The following PLXND1 variants were observed in gnomAD, a reference collection of about 807,000 sequenced individuals.
PLXND1 encodes the protein plexin-D1.
A neutral mutation model predicts 197.7 loss-of-function variants in PLXND1; 54 were observed. That is an observed-to-expected ratio of 0.27 (90% CI 0.22 to 0.34). The LOEUF (loss-of-function observed/expected upper bound fraction) is 0.34. Among genes scored for constraint, PLXND1 ranks in the 10% least tolerant of loss-of-function variants. PLXND1 has a pLI of 1.00. For synonymous variants in PLXND1, 1,180 were observed against 1,161.2 expected (o/e 1.02, Z -0.33); for missense variants, 2,127 against 2,699.2 (o/e 0.79, Z 4.70).
At chr3:129,567,838 G>A in intron 20 of PLXND1, 33 bp from the exon 21 acceptor site, 1 of 1,326,538 alleles carries the variant, frequency 7.5e-7, no homozygotes, top group Non-Finnish European at 1.1e-6. Context: ...TCAGGCCTCT[G>A]GTGCCCTTTG....
Position 129,605,966 on chromosome 3 carries a change from C to A in PLXND1, c.674G>T (p.Arg225Leu), listed in dbSNP as rs747925447. 6.2e-7 allele frequency: 1 copy of A among 1,611,762 alleles called. No individual in the cohort carries two copies. The highest frequency in any genetic ancestry group is 8.5e-7 in the Non-Finnish European group (1 of 1,179,762). Residue 225 changes from arginine (R) to leucine (L), a missense_variant, in exon 1 of 36, where the codon CGC becomes CTC. Transcript: ENST00000324093. ...CTCGAAGCGGTGGTCCTCCAGGCTG[C>A]GGTTGCGCGGGAAGAAGGAGCTGCC... is the stretch of plus-strand genomic sequence containing the variant. ...GYGSSFFPRN[R>L]SLEDHRFENT...
rs557943446 is a variant in PLXND1 at position 129,587,516 on chromosome 3, G to A, written c.1489-797C>T. ...TGCTCTTTTTTGCCTGGCCCTGCCT[G>A]TTCCCAGTGTGTTGTCTTGTCTGGG... On this transcript the variant is annotated intron_variant, in intron 2 of 35. Coordinates refer to ENST00000324093, the MANE Select transcript of PLXND1 (RefSeq NM_015103.3). 2.0e-5 allele frequency among the ~76,000 whole-genome samples: 3 copies of A among 152,336 alleles called. No homozygotes were observed. In the East Asian group the frequency reaches 5.8e-4, roughly 29 times the overall value.
chr3:129,571,195 C>T lies in PLXND1; in HGVS notation c.3445G>A (p.Glu1149Lys), dbSNP rs771247738. Residue 1149 changes from glutamate to lysine, a missense_variant, in exon 18 of 36, where the codon GAG becomes AAG. This residue lies in a region of PLXND1 where 532 missense variants were observed against 811.0 expected (regional missense o/e 0.66). Transcript: ENST00000324093. ...FFINGRAYAD[E>K]VAVAEELLDP... Reference sequence around the variant, plus strand: ...AGTAGCTCCTCAGCCACAGCCACCTCGTCTGCGTAGGCCCGCCCATTGATG... The same window carrying T: ...AGTAGCTCCTCAGCCACAGCCACCTTGTCTGCGTAGGCCCGCCCATTGATG... The T allele has an allele frequency of 5.6e-6, 9 of 1,614,086 alleles. No individual in the cohort carries two copies. Among genetic ancestry groups the T allele is most frequent in the East Asian group, 2.2e-5 (1 of 44,896 alleles).
chr3:129,572,034 C>T (rs1452895972), intron 15 of PLXND1, among the ~76,000 whole-genome samples, 190 bp from the exon 16 acceptor site: 1 of 152,162 alleles, frequency 6.6e-6, no homozygotes, highest in African/African-American at 2.4e-5. Flanking sequence ...CGCCCCATCC[C>T]ACCTCCTCCA....
chr3:129,593,835 G>C (rs946116579), intron 1 of PLXND1, among the ~76,000 whole-genome samples: 1 of 152,182 alleles, frequency 6.6e-6, no homozygotes, highest in Non-Finnish European at 1.5e-5. Context: ...TCTCACATGG[G>C]ATGAGCAACC....
At chr3:129,562,704 T>A in intron 27 of PLXND1, 83 bp downstream of exon 27, 1 of 1,318,346 alleles carries the variant, frequency 7.6e-7, no homozygotes, top group Non-Finnish European at 1.0e-6. Context: ...CCATGCCAGG[T>A]GAAAGGAGTG....
chr3:129,605,293 G>T (rs1306162186), intron 1 of PLXND1, 36 bp downstream of exon 1: 2 of 830,736 alleles, frequency 2.4e-6, no homozygotes, highest in Non-Finnish European at 3.1e-6. Context: ...CCCCGCCGCC[G>T]CCGCCGCCGC....
intron 9 of PLXND1, 40 bp from the exon 10 acceptor site, chr3:129,575,895 C>A: frequency 7.9e-7 from 1 of 1,259,218 alleles, no homozygotes; most frequent in Non-Finnish European, 1.2e-6. Flanking sequence ...TTGAGGAGAA[C>A]CAAGCCAGCA....
chr3:129,587,222 C>G (rs2811461), intron 2 of PLXND1, among the ~76,000 whole-genome samples: 21,366 of 152,134 alleles, frequency 0.14, 1,760 homozygotes, highest in East Asian at 0.38. Flanking sequence ...ATTCCTCCCC[C>G]CGACGCCCAT....
At chr3:129,556,928 A>G in intron 34 of PLXND1, 155 bp downstream of exon 34, 1 of 836,600 alleles carries the variant, frequency 1.2e-6, no homozygotes, top group Non-Finnish European at 1.9e-6. Flanking sequence ...GGGAAAATGC[A>G]TGACGAATTT....
rs145816641 is a variant in PLXND1, at chr3:129,556,632, C to T, written c.5646G>A (p.Lys1882=). The change falls in exon 35 of 36, where the codon AAG becomes AAA. Residue 1882 remains lysine, a synonymous_variant. Transcript: ENST00000324093. ...GGGCACTCACCTGCGGCCGATACCT[C>T]TTGGCGTACTTATAAATCTCTGCCA... The part of the protein sequence containing the change: ...VAMAEIYKYA[K]RYRPQIMAAL... The T allele has an allele frequency of 1.0e-4, 165 of 1,612,990 alleles. 2 individuals are homozygous for T. In the African/African-American group the frequency reaches 2.1e-3, roughly 20 times the overall value.
chr3:129,603,506 C>T (rs1433937828), intron 1 of PLXND1, among the ~76,000 whole-genome samples: 1 of 152,210 alleles, frequency 6.6e-6, no homozygotes, highest in Admixed American at 6.5e-5. Flanking sequence ...CGACTCCCCA[C>T]TGAGACCCCC....
At chr3:129,561,330 G>A (rs1380336301) in intron 29 of PLXND1, among the ~76,000 whole-genome samples, 2 of 152,196 alleles carry the variant, frequency 1.3e-5, no homozygotes, top group Non-Finnish European at 2.9e-5. Context: ...CTTGAGGCAG[G>A]GACATGGCCC....
chr3:129,589,310 TCCCACCCCCACC>T, intron 2 of PLXND1, 29 bp downstream of exon 2: 1 of 501,294 alleles, frequency 2.0e-6, no homozygotes, highest in Non-Finnish European at 3.8e-6. Context: ...CAGGGGAGCC[TCCCACCCCCACC>T]CCCTCCCCAC....
chr3:129,603,816 A>G (rs1428533240), intron 1 of PLXND1, among the ~76,000 whole-genome samples: 1 of 152,246 alleles, frequency 6.6e-6, no homozygotes, highest in Non-Finnish European at 1.5e-5. Flanking sequence ...TGGGGCCCCA[A>G]GGAAGGCTTG....
At chr3:129,585,179 G>A (rs2085441178) in intron 5 of PLXND1, among the ~76,000 whole-genome samples, 1 of 152,226 alleles carries the variant, frequency 6.6e-6, no homozygotes, top group South Asian at 2.1e-4. Flanking sequence ...ATGACTGAAT[G>A]AATGAGGGAA....
At chr3:129,587,524 T>C (rs981069447) in intron 2 of PLXND1, among the ~76,000 whole-genome samples, 8 of 152,174 alleles carry the variant, frequency 5.3e-5, no homozygotes, top group African/African-American at 1.9e-4. Context: ...CTGTTCCCAG[T>C]GTGTTGTCTT....
At chr3:129,602,488 G>A (rs1416107037) in intron 1 of PLXND1, among the ~76,000 whole-genome samples, 1 of 152,190 alleles carries the variant, frequency 6.6e-6, no homozygotes, top group African/African-American at 2.4e-5. Flanking sequence ...GGCACGCATT[G>A]CCCTGTGTAT....
chr3:129,575,649 G>A (rs1161687965), intron 10 of PLXND1, 87 bp from the exon 11 acceptor site: 1 of 1,232,808 alleles, frequency 8.1e-7, no homozygotes, highest in Non-Finnish European at 1.2e-6. Context: ...AGATGAAGTT[G>A]GGGCTGCTGG....
Sources: allele counts gnomAD v4.1 joint callset (sites outside exome capture counted in the v4.1 genomes callset), GRCh38; gene constraint gnomAD v4.1.1; regional missense constraint gnomAD v4.1.1; transcripts MANE v1.5; gene names NCBI Gene and HGNC (gene_info 2026-07-23, HGNC 2026-07-21).